The following DSE variants were observed in gnomAD, a reference collection of about 807,000 sequenced individuals.
DSE encodes dermatan-sulfate epimerase.
In DSE, 36 loss-of-function variants were observed where a neutral mutation model predicts 84.4. The ratio of observed to expected loss-of-function variants is 0.43; its 90% CI spans 0.33 to 0.56. The LOEUF is 0.56. DSE is among the 20% of genes least tolerant of loss of function. The pLI is 0.06. For synonymous variants in DSE, 410 were observed against 430.1 expected, an observed-to-expected ratio of 0.95 and a Z score of 0.58; for missense variants, 862 against 1,169.6, an observed-to-expected ratio of 0.74 and a Z score of 3.84.
chr6:116,380,976 G>T lies in DSE; in HGVS notation c.-54+9855G>T, dbSNP rs141699400. On this transcript the variant is annotated intron_variant, in intron 1 of 5. Coordinates refer to ENST00000644252, the MANE Select transcript of DSE (RefSeq NM_013352.4). ...CTTAGCCAGAAGTGTCAGCTCTTCT[G>T]TAAATTTCAGTTGTACTTTGTCATT... 7.0e-3 allele frequency among the ~76,000 whole-genome samples: 1,064 copies of T among 152,210 alleles called. 22 individuals are homozygous for T. The highest frequency in any genetic ancestry group is 0.055 in the South Asian group (267 of 4,826).
At chr6:116,402,779 T>G (rs112088267) in intron 2 of DSE, among the ~76,000 whole-genome samples, 36 of 152,290 alleles carry the variant, frequency 2.4e-4, no homozygotes, top group African/African-American at 8.7e-4. Flanking sequence ...CTTTTTAAAA[T>G]GTATACAAGA....
intron 2 of DSE, among the ~76,000 whole-genome samples, chr6:116,274,683 A>G (rs1773042984): frequency 6.6e-6 from 1 of 152,218 alleles, no homozygotes; most frequent in South Asian, 2.1e-4. Flanking sequence ...TGGCATCAAA[A>G]TCTACCCTGC....
Position 116,444,375 on chromosome 6 carries a change from A to G in DSE, c.*7030A>G, listed in dbSNP as rs551056430. On this transcript the variant is annotated 3_prime_UTR_variant, in exon 6 of 6. Transcript: ENST00000644252. The stretch of plus-strand genomic sequence containing the variant: ...TGTGTCTCTTGCTCGTTGTATATAC[A>G]TGGTTCTTACACAGTGCCTGGCATT... 4 of 152,326 alleles carry G rather than the reference A, an allele frequency of 2.6e-5. No individual in the cohort carries two copies. In the South Asian group the frequency reaches 8.3e-4, roughly 32 times the overall value. The allele number at this position is 152,326 out of a possible 1,614,324, so 9.4% of individuals were successfully genotyped here. A position where few individuals can be genotyped will look rare whatever the true frequency, so the allele number is the denominator to read the frequency against.
chr6:116,338,175 C>CTCTTTCTTTCTT (rs1175457799), intron 2 of DSE, among the ~76,000 whole-genome samples: 3,044 of 122,860 alleles, frequency 0.025, 115 homozygotes, highest in African/African-American at 0.083. Context: ...CTGTCTCTTT[C>CTCTTTCTTTCTT]TCTTTCTTTC....
At chr6:116,347,273 A>G (rs1283375006) in intron 2 of DSE, among the ~76,000 whole-genome samples, 3 of 152,174 alleles carry the variant, frequency 2.0e-5, no homozygotes, top group Non-Finnish European at 2.9e-5. Flanking sequence ...AAACTCCTCT[A>G]AAGTTCATAT....
intron 2 of DSE, among the ~76,000 whole-genome samples, chr6:116,418,896 G>A (rs941993334): frequency 1.3e-5 from 2 of 152,158 alleles, no homozygotes; most frequent in African/African-American, 4.8e-5. Flanking sequence ...AAATGGGGAC[G>A]GAATACCTAA....
intron 1 of DSE, among the ~76,000 whole-genome samples, chr6:116,394,627 T>C (rs1325107396): frequency 6.6e-6 from 1 of 152,096 alleles, no homozygotes; most frequent in East Asian, 1.9e-4. Flanking sequence ...TATTTTATTT[T>C]TGTGGATATG....
At chr6:116,370,740 AGAG>A, upstream of DSE, 1 of 857,240 alleles carries the variant, frequency 1.2e-6, no homozygotes, top group Non-Finnish European at 1.4e-6. Context: ...GAGTCCCGGG[AGAG>A]GAGGAGCGGG....
chr6:116,435,911 CAAT>C lies in DSE; in HGVS notation c.1444_1446del (p.Asn482del). 6.2e-7 allele frequency: 1 copy of C among 1,614,122 alleles called. No individual in the cohort carries two copies. Among genetic ancestry groups the C allele is most frequent in the Non-Finnish European group, 8.5e-7 (1 of 1,180,016 alleles). On this transcript the variant is annotated inframe_deletion, in exon 6 of 6. Coordinates refer to ENST00000644252, the MANE Select transcript of DSE (RefSeq NM_013352.4). Reference sequence around the variant, plus strand: ...ACGGGCCAAAGTACACCTTCTTCAACAATGTTTTGATGTTTTCCCCAGCTGTGT... The same window carrying C: ...ACGGGCCAAAGTACACCTTCTTCAACGTTTTGATGTTTTCCCCAGCTGTGT...
At chr6:116,311,202 C>A (rs1208801271) in intron 2 of DSE, among the ~76,000 whole-genome samples, 2 of 152,190 alleles carry the variant, frequency 1.3e-5, no homozygotes. Context: ...CTAGGAACAC[C>A]TTGTCCTTCT....
chr6:116,268,996 A>T (rs1025701150), intron 2 of DSE, among the ~76,000 whole-genome samples: 3 of 151,010 alleles, frequency 2.0e-5, no homozygotes, highest in Non-Finnish European at 2.9e-5. Context: ...TCTAGTTATG[A>T]TCACTGCCTG....
At chr6:116,321,057 T>A (rs1466499781) in intron 2 of DSE, among the ~76,000 whole-genome samples, 1 of 152,182 alleles carries the variant, frequency 6.6e-6, no homozygotes, top group East Asian at 1.9e-4. Context: ...AAACATGACT[T>A]CCTTAGAAAA....
At chr6:116,359,165 T>C (rs1778748962) in intron 2 of DSE, among the ~76,000 whole-genome samples, 1 of 152,100 alleles carries the variant, frequency 6.6e-6, no homozygotes, top group African/African-American at 2.4e-5. Flanking sequence ...TTCCTATTTA[T>C]CATCTGCCTA....
At chr6:116,369,632 TCTC>T (rs1294695489), upstream of DSE, among the ~76,000 whole-genome samples, 5 of 152,190 alleles carry the variant, frequency 3.3e-5, no homozygotes, top group Non-Finnish European at 7.3e-5. Flanking sequence ...AGCCCTCTTC[TCTC>T]CTCGACAGGC....
At chr6:116,296,541 A>T (rs1774678092) in intron 2 of DSE, among the ~76,000 whole-genome samples, 1 of 152,210 alleles carries the variant, frequency 6.6e-6, no homozygotes, top group Non-Finnish European at 1.5e-5. Flanking sequence ...ACTGGGGCTA[A>T]GGTTTTGTGT....
intron 1 of DSE, among the ~76,000 whole-genome samples, chr6:116,390,121 G>T (rs908488437): frequency 7.9e-5 from 12 of 151,914 alleles, no homozygotes; most frequent in African/African-American, 1.7e-4. Context: ...AGACTGGAGT[G>T]CAGTGGGGTG....
rs150984743 is a variant in DSE at position 116,444,166 on chromosome 6, A to G, written c.*6821A>G. 9.2e-5 allele frequency: 14 copies of G among 152,352 alleles called. No individual in the cohort carries two copies. Among genetic ancestry groups the G allele is most frequent in the Middle Eastern group, 3.4e-3 (1 of 294 alleles). The allele number at this position is 152,352 out of a possible 1,614,324, so 9.4% of individuals were successfully genotyped here. A position where few individuals can be genotyped will look rare whatever the true frequency, so the allele number is the denominator to read the frequency against. The stretch of plus-strand genomic sequence containing the variant: ...TCAAACCTCCGTATTTTTTGATACA[A>G]AAAGGACTGATGAAAGGGAGACGTG... On this transcript the variant is annotated 3_prime_UTR_variant, in exon 6 of 6. Transcript: ENST00000644252.
chr6:116,352,034 C>T (rs1322653950), intron 2 of DSE, among the ~76,000 whole-genome samples: 1 of 152,122 alleles, frequency 6.6e-6, no homozygotes, highest in Non-Finnish European at 1.5e-5. Context: ...TTTGTGTAAC[C>T]TCCTTGGTTA....
At chr6:116,346,039 G>A (rs1243915467) in intron 2 of DSE, among the ~76,000 whole-genome samples, 1 of 152,134 alleles carries the variant, frequency 6.6e-6, no homozygotes, top group Non-Finnish European at 1.5e-5. Flanking sequence ...TAAATTCCTG[G>A]ACACATACAC....
Sources: allele counts gnomAD v4.1 joint callset (sites outside exome capture counted in the v4.1 genomes callset), GRCh38; gene constraint gnomAD v4.1.1; transcripts MANE v1.5; gene names NCBI Gene and HGNC (gene_info 2026-07-23, HGNC 2026-07-21).